The following MBP variants were observed in gnomAD, a reference collection of about 807,000 sequenced individuals.
MBP encodes the protein myelin basic protein.
Under a neutral mutation model 35.8 loss-of-function variants are expected in MBP, and 16 were observed. The ratio of observed to expected loss-of-function variants is 0.45; its 90% CI spans 0.30 to 0.68. MBP has a LOEUF of 0.68. Among genes scored for constraint, MBP ranks in the 30% least tolerant of loss-of-function variants. MBP has a pLI of 0.08. For missense variants in MBP, 380 were observed against 404.7 expected (o/e 0.94, Z 0.52); for synonymous variants, 143 against 159.6 (o/e 0.90, Z 0.78).
In MBP at chr18:77,013,780, T is replaced by C. The variant is rs970926992; in HGVS notation, c.576+3052A>G. On this transcript the variant is annotated intron_variant, in intron 4 of 8. Coordinates refer to ENST00000355994, the MANE Select transcript of MBP (RefSeq NM_001025101.2). ...TGGGGTACTGGGATGTCCTGGCTGC[T>C]TTCTGCTTTGGGAACTATCCAAGTG... 11 of 985,334 alleles carry C rather than the reference T, an allele frequency of 1.1e-5. No individual in the cohort carries two copies. In the African/African-American group the frequency reaches 1.9e-4, roughly 17 times the overall value. 61.0% of individuals were successfully genotyped at this position (985,334 alleles called of 1,614,324 possible). A position where few individuals can be genotyped will look rare whatever the true frequency, so the allele number is the denominator to read the frequency against.
intron 4 of MBP, among the ~76,000 whole-genome samples, chr18:76,997,876 G>T (rs1344909058): frequency 6.6e-6 from 1 of 151,962 alleles, no homozygotes; most frequent in Non-Finnish European, 1.5e-5. Flanking sequence ...TAGAGACGGG[G>T]TTTCACTGTG....
chr18:77,128,802 G>A (rs552847495), intron 1 of MBP, among the ~76,000 whole-genome samples: 1 of 152,304 alleles, frequency 6.6e-6, no homozygotes, highest in Non-Finnish European at 1.5e-5. Flanking sequence ...TTCCCTAGAG[G>A]AGATACCTAG....
At chr18:76,992,796 G>C (rs771682123) in intron 4 of MBP, among the ~76,000 whole-genome samples, 25 of 152,124 alleles carry the variant, frequency 1.6e-4, no homozygotes, top group Admixed American at 1.6e-3. Flanking sequence ...AGGAGCCAGA[G>C]CCCCAGCCCC....
chr18:77,053,103 G>A (rs1424926608), intron 3 of MBP, among the ~76,000 whole-genome samples: 1 of 152,264 alleles, frequency 6.6e-6, no homozygotes, highest in Non-Finnish European at 1.5e-5. Flanking sequence ...CAGCGTGGCT[G>A]TCCCAGAAGC....
At chr18:77,029,197 T>C (rs1180278693) in intron 3 of MBP, among the ~76,000 whole-genome samples, 23 of 138,878 alleles carry the variant, frequency 1.7e-4, no homozygotes, top group Non-Finnish European at 2.6e-4. Flanking sequence ...TCACTCGCGG[T>C]TAGGAGCTGG....
intron 3 of MBP, among the ~76,000 whole-genome samples, chr18:77,056,453 C>T (rs1437098953): frequency 6.6e-6 from 1 of 152,180 alleles, no homozygotes; most frequent in Non-Finnish European, 1.5e-5. Context: ...TTTGTCTTCT[C>T]GAAGGACCCA....
rs535174299 is a variant in MBP, at chr18:77,071,456, T to C, written c.52-5071A>G. The stretch of plus-strand genomic sequence containing the variant: ...GTTGTTGCTCTTCTGTTTTGTTTTG[T>C]TTTAGGCTTTTAGCAACCTGAAGCC... On this transcript the variant is annotated intron_variant, in intron 2 of 8. Transcript: ENST00000355994. 3.3e-5 allele frequency among the ~76,000 whole-genome samples: 5 copies of C among 152,352 alleles called. No homozygotes were observed. In the East Asian group the frequency reaches 7.7e-4, roughly 24 times the overall value.
intron 2 of MBP, among the ~76,000 whole-genome samples, chr18:77,094,744 T>C (rs560044803): frequency 3.9e-4 from 59 of 152,238 alleles, no homozygotes; most frequent in African/African-American, 1.4e-3. Flanking sequence ...AATGGGAGAA[T>C]AAGGGTCGCC....
At chr18:77,008,199 C>T (rs1477531682) in intron 4 of MBP, among the ~76,000 whole-genome samples, 1 of 152,206 alleles carries the variant, frequency 6.6e-6, no homozygotes, top group African/African-American at 2.4e-5. Flanking sequence ...TATTCCTGCA[C>T]ACACAGTGAA....
intron 3 of MBP, among the ~76,000 whole-genome samples, chr18:77,036,221 G>T (rs1333174248): frequency 7.5e-6 from 1 of 134,188 alleles, no homozygotes; most frequent in Non-Finnish European, 1.6e-5. Context: ...GCAAGTGCTG[G>T]TCACATTTTG....
intron 1 of MBP, among the ~76,000 whole-genome samples, chr18:77,119,184 C>T (rs924506342): frequency 1.3e-5 from 2 of 152,132 alleles, no homozygotes; most frequent in African/African-American, 4.8e-5. Context: ...CAGGCAGGGG[C>T]TTGGGGACCT....
intron 3 of MBP, among the ~76,000 whole-genome samples, chr18:77,052,015 A>T (rs1025006177): frequency 1.3e-5 from 2 of 152,178 alleles, no homozygotes; most frequent in African/African-American, 4.8e-5. Flanking sequence ...AAAAAAGGTT[A>T]TGGTGAAGCC....
intron 7 of MBP, chr18:76,987,824 A>G (rs1380377248): frequency 1.9e-6 from 2 of 1,040,270 alleles, no homozygotes; most frequent in East Asian, 1.8e-4. Flanking sequence ...TGGCATTTTA[A>G]TTTGGCTCAG....
At chr18:77,040,488 A>G (rs1023088887) in intron 3 of MBP, among the ~76,000 whole-genome samples, 1 of 152,226 alleles carries the variant, frequency 6.6e-6, no homozygotes, top group African/African-American at 2.4e-5. Flanking sequence ...TCCTAGGCCA[A>G]AAGAACAAAG....
chr18:77,040,627 C>T (rs955256021), intron 3 of MBP, among the ~76,000 whole-genome samples: 4 of 152,116 alleles, frequency 2.6e-5, no homozygotes, highest in African/African-American at 4.8e-5. Context: ...AATAATGCCG[C>T]GTATCTACAA....
At chr18:76,993,560 A>AC (rs1425607287) in intron 4 of MBP, among the ~76,000 whole-genome samples, 2 of 151,886 alleles carry the variant, frequency 1.3e-5, no homozygotes, top group Non-Finnish European at 2.9e-5. Flanking sequence ...CAAAAAAAAA[A>AC]AAAAAAAACA....
intron 2 of MBP, among the ~76,000 whole-genome samples, chr18:77,070,267 G>A (rs570396931): frequency 1.3e-5 from 2 of 152,296 alleles, no homozygotes; most frequent in Non-Finnish European, 2.9e-5. Context: ...GAGTCCAAAC[G>A]GAACCTGTGA....
intron 2 of MBP, among the ~76,000 whole-genome samples, chr18:77,098,933 CT>C (rs1463389520): frequency 1.3e-5 from 2 of 151,762 alleles, no homozygotes; most frequent in Admixed American, 6.6e-5. Flanking sequence ...TTCCTTCCCC[CT>C]CCCTCCTCCT....
intron 4 of MBP, among the ~76,000 whole-genome samples, chr18:76,999,814 T>C (rs1376827819): frequency 6.6e-6 from 1 of 152,172 alleles, no homozygotes; most frequent in Middle Eastern, 3.2e-3. Flanking sequence ...TTAGTTGTAC[T>C]CACTAAGGTT....
Sources: gnomAD v4.1 joint callset for allele counts (sites outside exome capture counted in the v4.1 genomes callset) on GRCh38, gnomAD v4.1.1 for gene constraint, MANE v1.5 for transcripts, NCBI Gene and HGNC (gene_info 2026-07-23, HGNC 2026-07-21) for gene names.